Variants in ALX4 observed in about 807,000 individuals in gnomAD.
ALX4 encodes homeobox protein aristaless-like 4.
ALX4 carries 22 observed loss-of-function variants against 40.6 expected under a neutral mutation model. The ratio of observed to expected loss-of-function variants is 0.54; its 90% CI spans 0.39 to 0.77. The LOEUF (loss-of-function observed/expected upper bound fraction) is 0.77. Among genes scored for constraint, ALX4 ranks in the 30% least tolerant of loss-of-function variants. The pLI is 0.00. For synonymous variants in ALX4, 266 were observed against 240.5 expected, an observed-to-expected ratio of 1.11 and a Z score of -0.98; for missense variants, 556 against 564.8, an observed-to-expected ratio of 0.98 and a Z score of 0.16.
Position 44,264,254 on chromosome 11 carries a change from T to A in ALX4, c.*600A>T, listed in dbSNP as rs866751592. ...TATCCAGCCTAGGGGACAGCCAGGATGCAGTCAGCCAGGCTCTGTCAGACT... is the reference window on the plus strand; with the variant it reads ...TATCCAGCCTAGGGGACAGCCAGGAAGCAGTCAGCCAGGCTCTGTCAGACT... On this transcript the variant is annotated 3_prime_UTR_variant, in exon 4 of 4. Coordinates refer to ENST00000652299, the MANE Select transcript of ALX4 (RefSeq NM_021926.4). The A allele has an allele frequency of 2.5e-5, 4 of 158,552 alleles. No homozygotes were observed. The highest frequency in any genetic ancestry group is 9.6e-5 in the African/African-American group (4 of 41,530). 9.8% of individuals were successfully genotyped at this position (158,552 alleles called of 1,614,324 possible).
chr11:44,307,416 G>C (rs1356646173), intron 1 of ALX4, among the ~76,000 whole-genome samples: 2 of 152,178 alleles, frequency 1.3e-5, no homozygotes, highest in Non-Finnish European at 2.9e-5. Context: ...GCTGGCTGTG[G>C]GGGCCCAGCA....
In ALX4 at chr11:44,309,869, C is replaced by T. The variant is rs865794180; in HGVS notation, c.194G>A (p.Arg65His). 6.4e-7 allele frequency: 1 copy of T among 1,569,260 alleles called. No individual in the cohort carries two copies. The highest frequency in any genetic ancestry group is 8.6e-7 in the Non-Finnish European group (1 of 1,156,426). Residue 65 changes from arginine (R) to histidine (H), a missense_variant, in exon 1 of 4, where the codon CGT becomes CAT. By Grantham distance (29) the Arg-to-His change is conservative (BLOSUM62 0). Coordinates refer to ENST00000652299, the MANE Select transcript of ALX4 (RefSeq NM_021926.4). Reference sequence around the variant, plus strand: ...CAGGTCCTGCTGCCCAGCGCCGTAACGGGCCCGGCTCTTGGCGTCCCCGAA... The same window carrying T: ...CAGGTCCTGCTGCCCAGCGCCGTAATGGGCCCGGCTCTTGGCGTCCCCGAA... ...QGFGDAKSRA[R>H]YGAGQQDLAT...
intron 1 of ALX4, among the ~76,000 whole-genome samples, chr11:44,304,028 T>C (rs1008330238): frequency 6.6e-6 from 1 of 152,226 alleles, no homozygotes; most frequent in Non-Finnish European, 1.5e-5. Context: ...GCTCACTGGC[T>C]GGAAAGAGGT....
intron 1 of ALX4, among the ~76,000 whole-genome samples, chr11:44,309,188 C>CCGCAGCCCCGCAGCCT (rs1287382885): frequency 2.0e-5 from 3 of 147,838 alleles, no homozygotes; most frequent in African/African-American, 7.7e-5. Flanking sequence ...CCTCGCAGCC[C>CCGCAGCCCCGCAGCCT]CGCAGCCCCG....
In ALX4 at chr11:44,264,968, G is replaced by A. The variant is rs1235504071; in HGVS notation, c.1122C>T (p.Ser374=). 2 of 1,613,184 alleles carry A rather than the reference G, an allele frequency of 1.2e-6. No homozygotes were observed. The highest frequency in any genetic ancestry group is 1.1e-5 in the South Asian group (1 of 91,086). Residue 374 remains serine, a synonymous_variant, in exon 4 of 4, where the codon AGC becomes AGT. Coordinates refer to ENST00000652299, the MANE Select transcript of ALX4 (RefSeq NM_021926.4). ...MGSLFGAASL[S]PGLNGYELNG... is the part of the protein sequence containing the mutation. ...TGAGCTCGTAGCCATTGAGGCCTGG[G>A]CTGAGGCTGGCTGCTCCAAACAGGC...
intron 2 of ALX4, among the ~76,000 whole-genome samples, chr11:44,274,769 G>A (rs965953020): frequency 6.6e-6 from 1 of 152,200 alleles, no homozygotes; most frequent in African/African-American, 2.4e-5. Flanking sequence ...ATTGTACTGG[G>A]TTGGGTGTTT....
At chr11:44,272,652 A>T (rs1445393820) in intron 2 of ALX4, among the ~76,000 whole-genome samples, 2 of 150,766 alleles carry the variant, frequency 1.3e-5, no homozygotes. Flanking sequence ...ACCAAAAAAT[A>T]AAAAAAATTA....
At chr11:44,290,007 C>T (rs896549789) in intron 1 of ALX4, among the ~76,000 whole-genome samples, 3 of 152,192 alleles carry the variant, frequency 2.0e-5, no homozygotes, top group Admixed American at 1.3e-4. Context: ...AGCCAAGATG[C>T]GGAGGCCCAG....
In ALX4 at chr11:44,309,024, C is replaced by T. The variant is rs573648690; in HGVS notation, c.466+573G>A. Among the ~76,000 whole-genome samples, 191 of 152,356 alleles carry T rather than the reference C, an allele frequency of 1.3e-3. 2 individuals carry two copies. Among genetic ancestry groups the T allele is most frequent in the African/African-American group, 4.3e-3 (178 of 41,594 alleles). On this transcript the variant is annotated intron_variant, in intron 1 of 3. Transcript: ENST00000652299. ...GTGTTGCGCCAGTGCGCCTGGATTT[C>T]CCGTGAGCTTTCGGCCAACCACGCT...
intron 1 of ALX4, among the ~76,000 whole-genome samples, chr11:44,282,832 A>G (rs1307970611): frequency 6.6e-6 from 1 of 151,838 alleles, no homozygotes; most frequent in Admixed American, 6.6e-5. Flanking sequence ...GAGGAGGGGG[A>G]AGGTTTGTTT....
rs1437360197 is a variant in ALX4 at position 44,261,822 on chromosome 11, G to A, written c.*3032C>T. 2.0e-5 allele frequency: 3 copies of A among 152,232 alleles called. No homozygotes were observed. Among genetic ancestry groups the A allele is most frequent in the South Asian group, 2.1e-4 (1 of 4,832 alleles). The allele number at this position is 152,232 out of a possible 1,614,324, so 9.4% of individuals were successfully genotyped here. A position where few individuals can be genotyped will look rare whatever the true frequency, so the allele number is the denominator to read the frequency against. On this transcript the variant is annotated 3_prime_UTR_variant, in exon 4 of 4. Transcript: ENST00000652299. ...AATCCTCACCTCTCTTAGCTTATTCGCATAGCAATGAACCACGTGGCAGGT... is the reference window on the plus strand; with the variant it reads ...AATCCTCACCTCTCTTAGCTTATTCACATAGCAATGAACCACGTGGCAGGT...
chr11:44,298,447 T>C (rs1332494874), intron 1 of ALX4, among the ~76,000 whole-genome samples: 1 of 151,982 alleles, frequency 6.6e-6, no homozygotes, highest in East Asian at 1.9e-4. Flanking sequence ...GGGTGGAGGA[T>C]GAGTGAATGG....
At chr11:44,299,354 GTTTTT>G (rs772070484) in intron 1 of ALX4, among the ~76,000 whole-genome samples, 1 of 113,078 alleles carries the variant, frequency 8.8e-6, no homozygotes, top group African/African-American at 3.5e-5. Context: ...GGGGGCCATG[GTTTTT>G]TTTTTTTTTT....
chr11:44,289,337 G>A (rs1956356762), intron 1 of ALX4, among the ~76,000 whole-genome samples: 1 of 152,176 alleles, frequency 6.6e-6, no homozygotes, highest in Admixed American at 6.5e-5. Flanking sequence ...TCTCCAACCA[G>A]GGCTGATTAC....
intron 1 of ALX4, among the ~76,000 whole-genome samples, chr11:44,295,828 C>T (rs1956399537): frequency 6.6e-6 from 1 of 152,304 alleles, no homozygotes; most frequent in East Asian, 1.9e-4. Context: ...AGAATTTCCC[C>T]AAAGGCCACG....
At chr11:44,305,820 A>G (rs1324124752) in intron 1 of ALX4, among the ~76,000 whole-genome samples, 1 of 152,202 alleles carries the variant, frequency 6.6e-6, no homozygotes, top group East Asian at 1.9e-4. Context: ...TCTGCTTTCA[A>G]CAAAAACCTG....
intron 1 of ALX4, among the ~76,000 whole-genome samples, chr11:44,275,935 A>T (rs1413789199): frequency 6.6e-6 from 1 of 152,150 alleles, no homozygotes; most frequent in East Asian, 1.9e-4. Context: ...AAGGCAGCCA[A>T]TCTGACCTCT....
At chr11:44,282,767 G>A (rs2119828819) in intron 1 of ALX4, among the ~76,000 whole-genome samples, 1 of 152,274 alleles carries the variant, frequency 6.6e-6, no homozygotes, top group Admixed American at 6.5e-5. Context: ...ATGAATTCTG[G>A]GAAAGGCAAA....
At chr11:44,302,941 C>T (rs575933101) in intron 1 of ALX4, among the ~76,000 whole-genome samples, 3 of 152,320 alleles carry the variant, frequency 2.0e-5, no homozygotes, top group South Asian at 2.1e-4. Context: ...TGTCAACACT[C>T]CTGCATTTCA....
Sources: allele counts gnomAD v4.1 joint callset (sites outside exome capture counted in the v4.1 genomes callset), GRCh38; gene constraint gnomAD v4.1.1; transcripts MANE v1.5; gene names NCBI Gene and HGNC (gene_info 2026-07-23, HGNC 2026-07-21).